Variants in ADGRE2 observed in about 807,000 individuals in gnomAD.
The protein encoded by ADGRE2 is adhesion G protein-coupled receptor E2, also known as CD97 antigen.
A neutral mutation model predicts 100.8 loss-of-function variants in ADGRE2; 83 were observed. The ratio of observed to expected loss-of-function variants is 0.82; its 90% CI spans 0.69 to 0.99. ADGRE2 has a LOEUF of 0.99. Among genes scored for constraint, ADGRE2 ranks in the 50% least tolerant of loss-of-function variants. The pLI, the probability that ADGRE2 is intolerant of heterozygous loss-of-function variation, is 0.00. For synonymous variants in ADGRE2, 355 were observed against 413.0 expected (o/e 0.86, Z 1.70); for missense variants, 814 against 1,035.7 (o/e 0.79, Z 2.94).
intron 16 of ADGRE2, among the ~76,000 whole-genome samples, chr19:14,750,531 T>C (rs2043253007): frequency 6.6e-6 from 1 of 152,004 alleles, no homozygotes; most frequent in African/African-American, 2.4e-5. Context: ...GCTGTTCTAG[T>C]CAACAGTGTC....
intron 11 of ADGRE2, among the ~76,000 whole-genome samples, chr19:14,761,321 G>A (rs556001102): frequency 1.3e-5 from 2 of 152,086 alleles, no homozygotes; most frequent in South Asian, 2.1e-4. Context: ...CAGGAGAATC[G>A]CTTGAACCCG....
intron 14 of ADGRE2, among the ~76,000 whole-genome samples, 172 bp downstream of exon 14, chr19:14,754,782 A>C (rs1262695260): frequency 6.6e-6 from 1 of 152,222 alleles, no homozygotes; most frequent in Non-Finnish European, 1.5e-5. Context: ...GGGTGGGGTG[A>C]CATGATGATT....
Position 14,752,500 on chromosome 19 carries a change from G to A in ADGRE2, c.1617C>T (p.Ile539=), listed in dbSNP as rs752810283. The A allele has an allele frequency of 6.2e-7, 1 of 1,614,190 alleles. No individual in the cohort carries two copies. Among genetic ancestry groups the A allele is most frequent in the South Asian group, 1.1e-5 (1 of 91,078 alleles). The change falls in exon 15 of 21, where the codon ATC becomes ATT. Residue 539 remains isoleucine, a synonymous_variant. Coordinates refer to ENST00000315576, the MANE Select transcript of ADGRE2 (RefSeq NM_013447.4). ...GAGAGACGCTCAGCCCCATGTAGGT[G>A]ATGACAGTCAGCACGGGATCCTCCT... ...VQEEDPVLTV[I]TYMGLSVSLL... is the part of the protein sequence containing the mutation.
In ADGRE2 at chr19:14,732,920, A is replaced by G. The variant is rs1331875275; in HGVS notation, c.*3316T>C. ...ATACCTGGCTCACAAAGCCTAACAT[A>G]TACACTATCAGGCTCTTTAAGAAAA... is the stretch of plus-strand genomic sequence containing the variant. On this transcript the variant is annotated 3_prime_UTR_variant, in exon 21 of 21. Coordinates refer to ENST00000315576, the MANE Select transcript of ADGRE2 (RefSeq NM_013447.4). 1.3e-5 allele frequency: 2 copies of G among 152,194 alleles called. No homozygotes were observed. Among genetic ancestry groups the G allele is most frequent in the Non-Finnish European group, 2.9e-5 (2 of 68,030 alleles). 9.4% of individuals were successfully genotyped at this position (152,194 alleles called of 1,614,324 possible). A position where few individuals can be genotyped will look rare whatever the true frequency, so the allele number is the denominator to read the frequency against.
At chr19:14,742,832 G>T (rs539820861) in intron 20 of ADGRE2, among the ~76,000 whole-genome samples, 1 of 152,128 alleles carries the variant, frequency 6.6e-6, no homozygotes, top group East Asian at 1.9e-4. Flanking sequence ...TGCTCATTTA[G>T]TTAACCATGC....
chr19:14,750,399 T>C (rs180944288), intron 16 of ADGRE2, among the ~76,000 whole-genome samples: 185 of 152,152 alleles, frequency 1.2e-3, no homozygotes, highest in Admixed American at 2.4e-3. Context: ...ACATGAGGAA[T>C]AGAAAAGAAT....
intron 10 of ADGRE2, 26 bp downstream of exon 10, chr19:14,765,294 C>T: frequency 6.2e-7 from 1 of 1,613,766 alleles, no homozygotes; most frequent in African/African-American, 1.3e-5. Context: ...CCTGCCTCGC[C>T]CCCTTGCCCT....
downstream of ADGRE2, among the ~76,000 whole-genome samples, chr19:14,728,929 A>G (rs914559584): frequency 7.9e-5 from 12 of 152,190 alleles, no homozygotes; most frequent in Non-Finnish European, 1.6e-4. Context: ...GGTCGGCACA[A>G]TGTAAGCTGA....
At chr19:14,751,874 T>G (rs948321865) in intron 15 of ADGRE2, among the ~76,000 whole-genome samples, 1 of 149,698 alleles carries the variant, frequency 6.7e-6, no homozygotes, top group African/African-American at 2.5e-5. Context: ...TATATATATA[T>G]ACGTGTATAT....
downstream of ADGRE2, among the ~76,000 whole-genome samples, chr19:14,728,222 T>A (rs2524362): frequency 0.32 from 49,306 of 151,730 alleles, 8,399 homozygotes; most frequent in Middle Eastern, 0.48. Flanking sequence ...CAAAAAAAAA[T>A]TTTTTTTTCA....
rs199637167 is a variant in ADGRE2 at position 14,738,949 on chromosome 19, ATTTTC to A, written c.2464-2710_2464-2706del. Among the ~76,000 whole-genome samples the A allele has an allele frequency of 4.1e-3, 601 of 145,814 alleles. 4 individuals are homozygous for A. Among genetic ancestry groups the A allele is most frequent in the African/African-American group, 9.8e-3 (382 of 39,058 alleles). On this transcript the variant is annotated intron_variant, in intron 20 of 20. Coordinates refer to ENST00000315576, the MANE Select transcript of ADGRE2 (RefSeq NM_013447.4). ...ACTGCAGAATAAGAGCAAGACACACATTTTCTTTTCTTTTCTTTTCTTTTTTTTTT... is the reference window on the plus strand; with the variant it reads ...ACTGCAGAATAAGAGCAAGACACACATTTTCTTTTCTTTTCTTTTTTTTTT...
At position 14,762,841 on chromosome 19, in the gene ADGRE2, A is replaced by G. The variant is rs1316825005; in HGVS notation, c.1084+1592T>C. Among the ~76,000 whole-genome samples, 3 of 151,960 alleles carry G rather than the reference A, an allele frequency of 2.0e-5. No individual in the cohort carries two copies. In the South Asian group the frequency reaches 6.2e-4, roughly 32 times the overall value. ...GTATTTTCAGTAGAGATGGGGTTTC[A>G]CTATGTTGGCCAGGCTGGATTTGAA... On this transcript the variant is annotated intron_variant, in intron 11 of 20. Transcript: ENST00000315576.
chr19:14,758,946 G>C (rs2043601976), intron 11 of ADGRE2, among the ~76,000 whole-genome samples: 1 of 151,772 alleles, frequency 6.6e-6, no homozygotes, highest in Non-Finnish European at 1.5e-5. Flanking sequence ...GGGCTCCCAA[G>C]TGGGTCTTCC....
chr19:14,774,281 C>A lies in ADGRE2; in HGVS notation c.57G>T (p.Pro19=). 4 of 1,584,980 alleles carry A rather than the reference C, an allele frequency of 2.5e-6. No individual in the cohort carries two copies. The highest frequency in any genetic ancestry group is 1.8e-4 in the Middle Eastern group (1 of 5,472). ...CCCTGGAGTCCTGGGTTTCAGCTCC[C>A]GGCAGAGTCAGCCAGACACAGAATG... ...FLAFCVWLTL[P]GAETQDSRGC... The change falls in exon 3 of 21, where the codon CCG becomes CCT. Residue 19 remains proline, a synonymous_variant. Coordinates refer to ENST00000315576, the MANE Select transcript of ADGRE2 (RefSeq NM_013447.4).
intron 5 of ADGRE2, among the ~76,000 whole-genome samples, chr19:14,768,340 G>A (rs2044069115): frequency 6.6e-6 from 1 of 152,246 alleles, no homozygotes; most frequent in African/African-American, 2.4e-5. Context: ...CCAGGGCTGT[G>A]AAGGTGCCTT....
At chr19:14,773,236 C>T (rs1555790002) in intron 4 of ADGRE2, among the ~76,000 whole-genome samples, 1 of 151,402 alleles carries the variant, frequency 6.6e-6, no homozygotes, top group Non-Finnish European at 1.5e-5. Context: ...CTCCAGGAAG[C>T]CATGCCTATT....
intron 5 of ADGRE2, chr19:14,768,795 A>G (rs1368359964): frequency 6.6e-6 from 1 of 152,358 alleles, no homozygotes; most frequent in Non-Finnish European, 1.5e-5. Context: ...TGAGTGGCAG[A>G]AAAAGAGGTC....
intron 2 of ADGRE2, 116 bp from the exon 3 acceptor site, chr19:14,774,422 C>G (rs559481375): frequency 0.029 from 44,217 of 1,512,300 alleles, 908 homozygotes; most frequent in Non-Finnish European, 0.032. Flanking sequence ...AGATCCTGCC[C>G]ATCGTTCAAA....
chr19:14,763,769 C>T (rs1261259041), intron 11 of ADGRE2, among the ~76,000 whole-genome samples: 1 of 140,976 alleles, frequency 7.1e-6, no homozygotes, highest in Non-Finnish European at 1.5e-5. Flanking sequence ...TCCTCCTCCT[C>T]CTCTCCTCCT....
Sources: gnomAD v4.1 joint callset for allele counts (sites outside exome capture counted in the v4.1 genomes callset) on GRCh38, gnomAD v4.1.1 for gene constraint, MANE v1.5 for transcripts, NCBI Gene and HGNC (gene_info 2026-07-23, HGNC 2026-07-21) for gene names.